The following IGF2BP3 variants were observed in gnomAD, a reference collection of about 807,000 sequenced individuals.
The protein encoded by IGF2BP3 is insulin like growth factor 2 mRNA binding protein 3, also known as insulin-like growth factor 2 mRNA-binding protein 3.
In IGF2BP3, 9 loss-of-function variants were observed where a neutral mutation model predicts 73.8. The ratio of observed to expected loss-of-function variants is 0.12; its 90% confidence interval spans 0.07 to 0.21. The LOEUF (loss-of-function observed/expected upper bound fraction) is 0.21, where lower values mean the gene tolerates loss of function less well. Among genes scored for constraint, IGF2BP3 ranks in the 10% least tolerant of loss-of-function variants. The pLI is 1.00. For synonymous variants in IGF2BP3, 258 were observed against 256.7 expected, an observed-to-expected ratio of 1.01 and a Z score of -0.05; for missense variants, 542 against 714.0, an observed-to-expected ratio of 0.76 and a Z score of 2.75.
At chr7:23,395,085 C>T (rs1786407875) in intron 3 of IGF2BP3, among the ~76,000 whole-genome samples, 1 of 152,178 alleles carries the variant, frequency 6.6e-6, no homozygotes, top group Admixed American at 6.5e-5. Context: ...ACAGCCTGCT[C>T]AATTTCACAG....
At chr7:23,346,164 G>A (rs1372973441) in intron 7 of IGF2BP3, 102 bp from the exon 8 acceptor site, 1 of 1,316,202 alleles carries the variant, frequency 7.6e-7, no homozygotes, top group Non-Finnish European at 1.0e-6. Flanking sequence ...CCTACCATCT[G>A]GGAAGCACTG....
chr7:23,400,118 T>G (rs1353635763), intron 3 of IGF2BP3, among the ~76,000 whole-genome samples: 1 of 152,176 alleles, frequency 6.6e-6, no homozygotes, highest in East Asian at 1.9e-4. Flanking sequence ...TAAAGAAACA[T>G]TTGTGTTTCC....
chr7:23,421,618 G>C (rs1787350826), intron 2 of IGF2BP3, among the ~76,000 whole-genome samples: 1 of 149,802 alleles, frequency 6.7e-6, no homozygotes, highest in Admixed American at 6.6e-5. Context: ...CTTGACCTGG[G>C]AGGCAGAGTT....
intron 2 of IGF2BP3, among the ~76,000 whole-genome samples, chr7:23,441,776 T>C (rs773629377): frequency 6.6e-6 from 1 of 152,070 alleles, no homozygotes; most frequent in East Asian, 1.9e-4. Flanking sequence ...AAAAATATTA[T>C]ACTTGTATCA....
intron 5 of IGF2BP3, among the ~76,000 whole-genome samples, chr7:23,355,443 C>A (rs575347343): frequency 6.6e-6 from 1 of 152,020 alleles, no homozygotes; most frequent in East Asian, 1.9e-4. Context: ...GTTGGTCAGG[C>A]TGGTCTCGAA....
chr7:23,362,522 T>C (rs966940942), intron 3 of IGF2BP3: 8 of 152,308 alleles, frequency 5.3e-5, no homozygotes, highest in East Asian at 3.9e-4. Context: ...TGTCTATGTT[T>C]TTACCATCTT....
intron 2 of IGF2BP3, chr7:23,431,269 G>C (rs1013764054): frequency 4.6e-5 from 7 of 152,184 alleles, no homozygotes; most frequent in Non-Finnish European, 1.0e-4. Flanking sequence ...GGAAAAATAA[G>C]CTATTGTTTC....
chr7:23,422,427 C>T (rs752484459), intron 2 of IGF2BP3, among the ~76,000 whole-genome samples: 4 of 152,030 alleles, frequency 2.6e-5, no homozygotes, highest in Non-Finnish European at 4.4e-5. Flanking sequence ...TGGTGGCACA[C>T]GCCCGTAGTC....
chr7:23,366,506 T>C lies in IGF2BP3; in HGVS notation c.286-4765A>G, dbSNP rs545628773. 6.1e-4 allele frequency among the ~76,000 whole-genome samples: 92 copies of C among 151,330 alleles called. 1 individual carries two copies. Among genetic ancestry groups the C allele is most frequent in the African/African-American group, 2.1e-3 (87 of 41,256 alleles). Reference sequence around the variant, plus strand: ...CACTTTTTTTAAATGGTGAGTTTTATTGTCTGTGAATAATACTTCAACAAG... The same window carrying C: ...CACTTTTTTTAAATGGTGAGTTTTACTGTCTGTGAATAATACTTCAACAAG... On this transcript the variant is annotated intron_variant, in intron 3 of 14. Coordinates refer to ENST00000258729, the MANE Select transcript of IGF2BP3 (RefSeq NM_006547.3).
At chr7:23,327,813 T>C (rs1318476579) in intron 10 of IGF2BP3, among the ~76,000 whole-genome samples, 1 of 152,122 alleles carries the variant, frequency 6.6e-6, no homozygotes, top group Non-Finnish European at 1.5e-5. Flanking sequence ...GTGGCACTAA[T>C]GGTTCCACCT....
At chr7:23,363,485 G>A (rs1324320508) in intron 3 of IGF2BP3, among the ~76,000 whole-genome samples, 1 of 152,142 alleles carries the variant, frequency 6.6e-6, no homozygotes, top group Admixed American at 6.5e-5. Flanking sequence ...AGATTCAAGG[G>A]ATCATCCCAG....
chr7:23,431,127 A>C (rs1197759053), intron 2 of IGF2BP3: 1 of 152,240 alleles, frequency 6.6e-6, no homozygotes, highest in African/African-American at 2.4e-5. Context: ...ATACACATGA[A>C]CATTAACAGA....
At chr7:23,406,943 T>TTCAC (rs1312810112) in intron 3 of IGF2BP3, among the ~76,000 whole-genome samples, 2 of 152,142 alleles carry the variant, frequency 1.3e-5, no homozygotes, top group African/African-American at 4.8e-5. Context: ...CCCAGCCACC[T>TTCAC]TCACCTCTCA....
intron 3 of IGF2BP3, among the ~76,000 whole-genome samples, chr7:23,378,786 A>C (rs1208171810): frequency 2.0e-5 from 3 of 151,760 alleles, no homozygotes; most frequent in African/African-American, 4.8e-5. Context: ...GTTGGCCAGG[A>C]TGGTCTCAAT....
intron 10 of IGF2BP3, among the ~76,000 whole-genome samples, chr7:23,334,785 T>C (rs1392390031): frequency 6.6e-6 from 1 of 152,164 alleles, no homozygotes; most frequent in Admixed American, 6.5e-5. Flanking sequence ...CAATGAGTAA[T>C]TCCTAATCAT....
At chr7:23,432,813 G>T (rs1438635774) in intron 2 of IGF2BP3, among the ~76,000 whole-genome samples, 2 of 152,094 alleles carry the variant, frequency 1.3e-5, no homozygotes, top group African/African-American at 4.8e-5. Context: ...GCTAATTTTT[G>T]TATTTTTCAT....
At chr7:23,415,324 C>G (rs1000229721) in intron 3 of IGF2BP3, 1 of 243,086 alleles carries the variant, frequency 4.1e-6, no homozygotes, top group Non-Finnish European at 8.2e-6. Context: ...CCCCGTTCAT[C>G]GGCTTCACCG....
chr7:23,401,286 G>A (rs751328519), intron 3 of IGF2BP3, among the ~76,000 whole-genome samples: 25 of 152,090 alleles, frequency 1.6e-4, no homozygotes, highest in South Asian at 4.2e-4. Flanking sequence ...GAACAGTTGC[G>A]GGCCCCCTGC....
At position 23,341,985 on chromosome 7, in the gene IGF2BP3, A is replaced by G. The variant is rs575417289; in HGVS notation, c.1203+79T>C. 6 of 1,411,252 alleles carry G rather than the reference A, an allele frequency of 4.3e-6. No individual in the cohort carries two copies. In the African/African-American group the frequency reaches 4.4e-5, roughly 10 times the overall value. 87.4% of individuals were successfully genotyped at this position (1,411,252 alleles called of 1,614,324 possible). A position where few individuals can be genotyped will look rare whatever the true frequency, so the allele number is the denominator to read the frequency against. ...AACTGGAGAGCATATGTTGGCATCT[A>G]AACAGATGATCACGCGGGGACTAGG... On this transcript the variant is annotated intron_variant, in intron 10 of 14. Coordinates refer to ENST00000258729, the MANE Select transcript of IGF2BP3 (RefSeq NM_006547.3).
Sources: allele counts gnomAD v4.1 joint callset (sites outside exome capture counted in the v4.1 genomes callset), GRCh38; gene constraint gnomAD v4.1.1; transcripts MANE v1.5; gene names NCBI Gene and HGNC (gene_info 2026-07-23, HGNC 2026-07-21).